The following PGGT1B variants were observed in gnomAD, a reference collection of about 807,000 sequenced individuals.
PGGT1B encodes the protein geranylgeranyl transferase type-1 subunit beta.
A neutral mutation model predicts 46.1 loss-of-function variants in PGGT1B; 30 were observed. The observed-to-expected ratio is 0.65, with a 90% CI of 0.49 to 0.88. PGGT1B has a LOEUF of 0.88. Ranked by LOEUF, PGGT1B falls within the 40% of genes least tolerant of loss-of-function variation. The probability of loss-of-function intolerance (pLI) is 0.00; values close to 1 mark genes in which losing one functional copy is unlikely to be tolerated. For synonymous variants in PGGT1B, 170 were observed against 160.0 expected (o/e 1.06, Z -0.47); for missense variants, 376 against 455.9 (o/e 0.82, Z 1.60).
chr5:115,228,929 A>T (rs1285825455), intron 6 of PGGT1B, among the ~76,000 whole-genome samples: 2 of 152,230 alleles, frequency 1.3e-5, no homozygotes, highest in Non-Finnish European at 2.9e-5. Context: ...TACACAGAGA[A>T]TTACAGAACA....
At chr5:115,218,383 TTA>T (rs1756484199) in intron 7 of PGGT1B, among the ~76,000 whole-genome samples, 1 of 128,122 alleles carries the variant, frequency 7.8e-6, no homozygotes. Context: ...AATTTAAGCA[TTA>T]TATGTGTGTG....
rs1050959508 is a variant in PGGT1B, at chr5:115,222,173, C to T, written c.659-165G>A. On this transcript the variant is annotated intron_variant, in intron 6 of 8. Transcript: ENST00000419445. ...AAAATAACCACTAAACACAAGTCTT[C>T]AATATTTGTTAAAACAGAGAATATA... 1.1e-4 allele frequency among the ~76,000 whole-genome samples: 16 copies of T among 152,138 alleles called. No individual in the cohort carries two copies. In the East Asian group the frequency reaches 3.1e-3, roughly 29 times the overall value.
At chr5:115,233,545 GAA>G (rs202078462) in intron 5 of PGGT1B, among the ~76,000 whole-genome samples, 20 of 131,856 alleles carry the variant, frequency 1.5e-4, no homozygotes, top group Non-Finnish European at 2.6e-4. Flanking sequence ...AAAAAAGAAG[GAA>G]AAAAAAAAAA....
rs1255981597 is a variant in PGGT1B at position 115,212,299 on chromosome 5, A to G, written c.*103T>C. On this transcript the variant is annotated 3_prime_UTR_variant, in exon 9 of 9. Coordinates refer to ENST00000419445, the MANE Select transcript of PGGT1B (RefSeq NM_005023.4). ...GAAATCAGCAGGAGATTTGATTGTAAGACTCTACCTTTTAAAAAAAGAGCA... is the reference window on the plus strand; with the variant it reads ...GAAATCAGCAGGAGATTTGATTGTAGGACTCTACCTTTTAAAAAAAGAGCA... 3.9e-6 allele frequency: 6 copies of G among 1,550,234 alleles called. No homozygotes were observed. Among genetic ancestry groups the G allele is most frequent in the Non-Finnish European group, 5.2e-6 (6 of 1,149,530 alleles).
intron 1 of PGGT1B, among the ~76,000 whole-genome samples, chr5:115,261,057 A>G (rs923759035): frequency 6.6e-6 from 1 of 152,244 alleles, no homozygotes; most frequent in African/African-American, 2.4e-5. Context: ...CAGTGTATGT[A>G]TACGATAAAT....
chr5:115,232,725 C>T (rs1175655626), intron 5 of PGGT1B, among the ~76,000 whole-genome samples: 8 of 151,908 alleles, frequency 5.3e-5, no homozygotes, highest in African/African-American at 1.7e-4. Context: ...TAGTATGGCA[C>T]TGTCATGCAA....
In PGGT1B at chr5:115,220,852, T is replaced by C. The variant is rs542121810; in HGVS notation, c.843+972A>G. On this transcript the variant is annotated intron_variant, in intron 7 of 8. Coordinates refer to ENST00000419445, the MANE Select transcript of PGGT1B (RefSeq NM_005023.4). ...TTTCCAGAGAATATAAAAAATGATA[T>C]ATGGGATCTGCTTTAAAATAATTCA... Among the ~76,000 whole-genome samples, 19 of 152,064 alleles carry C rather than the reference T, an allele frequency of 1.2e-4. No homozygotes were observed. In the South Asian group the frequency reaches 3.9e-3, roughly 31 times the overall value.
chr5:115,220,782 G>T lies in PGGT1B; in HGVS notation c.843+1042C>A, dbSNP rs186456489. ...GATGTGATAATGACACTAAGGTTCT[G>T]TTTTTTTTAAAAAGTTATTTTCATT... is the stretch of plus-strand genomic sequence containing the variant. On this transcript the variant is annotated intron_variant, in intron 7 of 8. Coordinates refer to ENST00000419445, the MANE Select transcript of PGGT1B (RefSeq NM_005023.4). 2.2e-3 allele frequency among the ~76,000 whole-genome samples: 331 copies of T among 151,606 alleles called. 2 individuals are homozygous for T. The highest frequency in any genetic ancestry group is 3.8e-3 in the Non-Finnish European group (257 of 67,700).
intron 5 of PGGT1B, among the ~76,000 whole-genome samples, chr5:115,234,052 A>G (rs1394478521): frequency 6.6e-6 from 1 of 151,980 alleles, no homozygotes; most frequent in Admixed American, 6.6e-5. Context: ...AATAGCTGAA[A>G]AAAACCATGG....
rs2127041777 is a variant in PGGT1B at position 115,262,868 on chromosome 5, C to T, written c.-17G>A. 1.9e-6 allele frequency: 3 copies of T among 1,610,898 alleles called. No individual in the cohort carries two copies. The highest frequency in any genetic ancestry group is 2.2e-5 in the East Asian group (1 of 44,836). The stretch of plus-strand genomic sequence containing the variant: ...GGCCGCCATGCTGCTCCGGAAGCGA[C>T]GTCCGCCGCGACCCGGAATCAGTGC... On this transcript the variant is annotated 5_prime_UTR_variant, in exon 1 of 9. Coordinates refer to ENST00000419445, the MANE Select transcript of PGGT1B (RefSeq NM_005023.4).
rs535896222 is a variant in PGGT1B, at chr5:115,206,655, T to C, written c.*5747A>G. ...CATAGTATTGAGTTACATAAATGTA[T>C]CATAATGTGTCTTATTTTTCACAAT... On this transcript the variant is annotated 3_prime_UTR_variant, in exon 9 of 9. Coordinates refer to ENST00000419445, the MANE Select transcript of PGGT1B (RefSeq NM_005023.4). 1.3e-5 allele frequency: 2 copies of C among 152,186 alleles called. No homozygotes were observed. Among genetic ancestry groups the C allele is most frequent in the East Asian group, 1.9e-4 (1 of 5,192 alleles). 9.4% of individuals were successfully genotyped at this position (152,186 alleles called of 1,614,324 possible).
chr5:115,224,153 A>T lies in PGGT1B; in HGVS notation c.659-2145T>A, dbSNP rs559124329. On this transcript the variant is annotated intron_variant, in intron 6 of 8. Coordinates refer to ENST00000419445, the MANE Select transcript of PGGT1B (RefSeq NM_005023.4). ...ACAACCTTTTAAAATAATTTCTATT[A>T]AGCAACTAGTAATCTTATTTCCTTT... Among the ~76,000 whole-genome samples, 144 of 152,320 alleles carry T rather than the reference A, an allele frequency of 9.5e-4. 1 individual carries two copies. Among genetic ancestry groups the T allele is most frequent in the African/African-American group, 3.4e-3 (140 of 41,568 alleles).
chr5:115,225,250 C>T (rs10037792), intron 6 of PGGT1B, among the ~76,000 whole-genome samples: 1,825 of 152,312 alleles, frequency 0.012, 39 homozygotes, highest in African/African-American at 0.042. Flanking sequence ...TTGCCACCTA[C>T]GTGATGTGCT....
intron 6 of PGGT1B, among the ~76,000 whole-genome samples, chr5:115,222,670 G>A (rs949279908): frequency 2.6e-5 from 4 of 152,114 alleles, no homozygotes; most frequent in Non-Finnish European, 5.9e-5. Flanking sequence ...AAAGACACAT[G>A]TACACATATG....
chr5:115,238,338 C>G (rs575720101), intron 3 of PGGT1B, among the ~76,000 whole-genome samples: 5 of 65,960 alleles, frequency 7.6e-5, no homozygotes, highest in African/African-American at 3.0e-4. Flanking sequence ...AGGGTCTTAT[C>G]TGTCACCCAG....
chr5:115,261,332 C>A (rs1467250563), intron 1 of PGGT1B, among the ~76,000 whole-genome samples: 1 of 152,206 alleles, frequency 6.6e-6, no homozygotes, highest in African/African-American at 2.4e-5. Flanking sequence ...GTTCATCCTT[C>A]AGGGCTCAGC....
At chr5:115,236,301 T>G (rs1757179463) in intron 5 of PGGT1B, 89 bp downstream of exon 5, 2 of 923,704 alleles carry the variant, frequency 2.2e-6, no homozygotes, top group Non-Finnish European at 3.3e-6. Flanking sequence ...TACAAATTGT[T>G]GGCGGAAGAG....
At chr5:115,248,613 T>C (rs973408657) in intron 2 of PGGT1B, among the ~76,000 whole-genome samples, 1 of 152,238 alleles carries the variant, frequency 6.6e-6, no homozygotes, top group Admixed American at 6.5e-5. Flanking sequence ...AGGGTCTTTA[T>C]AATCCTGGAG....
chr5:115,259,504 A>G (rs866210113), intron 1 of PGGT1B, among the ~76,000 whole-genome samples: 4 of 152,232 alleles, frequency 2.6e-5, no homozygotes, highest in Middle Eastern at 6.8e-3. Context: ...CCTGGCCAAC[A>G]TGGTGAAACC....
Sources: gnomAD v4.1 joint callset for allele counts (sites outside exome capture counted in the v4.1 genomes callset) on GRCh38, gnomAD v4.1.1 for gene constraint, MANE v1.5 for transcripts, NCBI Gene and HGNC (gene_info 2026-07-23, HGNC 2026-07-21) for gene names.